SPINT3: variants seen among roughly 807,000 people sequenced by gnomAD.
The protein encoded by SPINT3 is kunitz-type protease inhibitor 3.
In SPINT3, 4 loss-of-function variants were observed where a neutral mutation model predicts 3.3. The observed-to-expected ratio is 1.22, with a 90% CI of 0.60 to 2.79. SPINT3 has a LOEUF of 2.79. Among genes scored for constraint, SPINT3 ranks in the 30% most tolerant of loss-of-function variants. The pLI is 0.01. For missense variants in SPINT3, 97 were observed against 104.3 expected, an observed-to-expected ratio of 0.93 and a Z score of 0.31; for synonymous variants, 30 against 38.6, an observed-to-expected ratio of 0.78 and a Z score of 0.83.
intron 1 of SPINT3, 68 bp downstream of exon 1, chr20:45,515,465 T>TCC: frequency 7.5e-7 from 1 of 1,333,644 alleles, no homozygotes; most frequent in South Asian, 1.3e-5. Flanking sequence ...CTGCATCACC[T>TCC]CCCCCACCAC....
intron 1 of SPINT3, 69 bp from the exon 2 acceptor site, chr20:45,512,913 G>T: frequency 7.7e-7 from 1 of 1,306,458 alleles, no homozygotes; most frequent in South Asian, 1.4e-5. Flanking sequence ...ATATGCCAGG[G>T]GCTGTGACAG....
chr20:45,515,547 G>T lies in SPINT3; in HGVS notation c.62C>A (p.Ser21Ter). 1 of 1,548,784 alleles carries T rather than the reference G, an allele frequency of 6.5e-7. No individual in the cohort carries two copies. The highest frequency in any genetic ancestry group is 1.2e-5 in the South Asian group (1 of 83,990). Residue 21 changes from serine (S) to a stop codon, truncating the protein, a stop_gained, in exon 1 of 2, where the codon TCA (serine) becomes TAA (stop). Transcript: ENST00000217428. LOFTEE classifies it low-confidence loss of function (END_TRUNC). ...LILTLCLELR[S>*]ELARDTIKDL... ...TTCATACCAACCTCGTGCTAGTTCT[G>T]ATCGAAGCTCTAGGCAGAGAGTGAG...
Position 45,515,577 on chromosome 20 carries a change from A to G in SPINT3, c.32T>C (p.Leu11Pro). The stretch of plus-strand genomic sequence containing the variant: ...AAGCTCTAGGCAGAGAGTGAGAATC[A>G]GGAGAAACGAGAGAGAGGCCTGAAG... Reference protein sequence around the residue: MQLQASLSFLLILTLCLELRS... With the variant: MQLQASLSFLPILTLCLELRS... Residue 11 changes from leucine to proline, a missense_variant, in exon 1 of 2, where the codon CTG becomes CCG. Transcript: ENST00000217428. The G allele has an allele frequency of 6.4e-7, 1 of 1,551,462 alleles. No individual in the cohort carries two copies. The highest frequency in any genetic ancestry group is 8.7e-7 in the Non-Finnish European group (1 of 1,146,952).
At chr20:45,515,383 A>G (rs970685187) in intron 1 of SPINT3, 150 bp downstream of exon 1, 2 of 703,564 alleles carry the variant, frequency 2.8e-6, no homozygotes, top group Non-Finnish European at 4.9e-6. Context: ...TGTGCCCAAC[A>G]TATGTCTGAT....
chr20:45,514,930 A>AT (rs1482261530), intron 1 of SPINT3, among the ~76,000 whole-genome samples: 1 of 152,144 alleles, frequency 6.6e-6, no homozygotes, highest in Non-Finnish European at 1.5e-5. Context: ...TCTAATATGC[A>AT]TTTTTATACA....
At chr20:45,513,431 A>G (rs184873073) in intron 1 of SPINT3, among the ~76,000 whole-genome samples, 1 of 152,368 alleles carries the variant, frequency 6.6e-6, no homozygotes, top group East Asian at 1.9e-4. Flanking sequence ...GCAAAAATGC[A>G]GGTGTAATAT....
At position 45,515,491 on chromosome 20, in the gene SPINT3, G is replaced by C. The variant is rs142363498; in HGVS notation, c.76+42C>G. On this transcript the variant is annotated intron_variant, in intron 1 of 1. Coordinates refer to ENST00000217428, the MANE Select transcript of SPINT3 (RefSeq NM_006652.2). ...CCCCCACCACCCCGCCCCCCAGCCTGATTCCCAGTCTATTCTTTGAGATCC... is the reference window on the plus strand; with the variant it reads ...CCCCCACCACCCCGCCCCCCAGCCTCATTCCCAGTCTATTCTTTGAGATCC... 3 of 1,498,056 alleles carry C rather than the reference G, an allele frequency of 2.0e-6. No individual in the cohort carries two copies. In the African/African-American group the frequency reaches 4.2e-5, roughly 21 times the overall value. The allele number at this position is 1,498,056 out of a possible 1,614,324, so 92.8% of individuals were successfully genotyped here. A position where few individuals can be genotyped will look rare whatever the true frequency, so the allele number is the denominator to read the frequency against.
At chr20:45,515,241 C>A (rs1978839504) in intron 1 of SPINT3, among the ~76,000 whole-genome samples, 1 of 152,140 alleles carries the variant, frequency 6.6e-6, no homozygotes, top group Non-Finnish European at 1.5e-5. Context: ...TTTTCTATAG[C>A]ACTTTGATCA....
Position 45,512,891 on chromosome 20 carries a change from C to G in SPINT3, c.77-47G>C, listed in dbSNP as rs1325578709. On this transcript the variant is annotated intron_variant, in intron 1 of 1. Coordinates refer to ENST00000217428, the MANE Select transcript of SPINT3 (RefSeq NM_006652.2). Reference sequence around the variant, plus strand: ...AGGAGACCAAACCCATCACCTTCTCCTTGTTTGCCTCATATGCCAGGGGCT... The same window carrying G: ...AGGAGACCAAACCCATCACCTTCTCGTTGTTTGCCTCATATGCCAGGGGCT... The G allele has an allele frequency of 3.4e-6, 5 of 1,483,946 alleles. No homozygotes were observed. The East Asian group carries it at 1.2e-4, about 37-fold the overall frequency. 91.9% of individuals were successfully genotyped at this position (1,483,946 alleles called of 1,614,324 possible). A position where few individuals can be genotyped will look rare whatever the true frequency, so the allele number is the denominator to read the frequency against.
Position 45,512,553 on chromosome 20 carries a change from C to T in SPINT3, c.*98G>A. On this transcript the variant is annotated 3_prime_UTR_variant, in exon 2 of 2. Coordinates refer to ENST00000217428, the MANE Select transcript of SPINT3 (RefSeq NM_006652.2). ...ATAAATGTGGGGGTAGAGGAATGAA[C>T]CTCTTGTTCACACACACACACACAC... is the stretch of plus-strand genomic sequence containing the variant. 8.7e-7 allele frequency: 1 copy of T among 1,149,062 alleles called. No individual in the cohort carries two copies. Among genetic ancestry groups the T allele is most frequent in the South Asian group, 1.6e-5 (1 of 63,128 alleles). The allele number at this position is 1,149,062 out of a possible 1,614,324, so 71.2% of individuals were successfully genotyped here. A position where few individuals can be genotyped will look rare whatever the true frequency, so the allele number is the denominator to read the frequency against.
At position 45,512,526 on chromosome 20, in the gene SPINT3, G is replaced by T; in HGVS notation, c.*125C>A. The T allele has an allele frequency of 1.1e-6, 1 of 898,582 alleles. No individual in the cohort carries two copies. Among genetic ancestry groups the T allele is most frequent in the Non-Finnish European group, 1.7e-6 (1 of 600,342 alleles). The allele number at this position is 898,582 out of a possible 1,614,324, so 55.7% of individuals were successfully genotyped here. On this transcript the variant is annotated 3_prime_UTR_variant, in exon 2 of 2. Transcript: ENST00000217428. ...AGCACTTGTAGGAGCACATCAGGGA[G>T]AATAAATGTGGGGGTAGAGGAATGA...
rs376916317 is a variant in SPINT3, at chr20:45,512,579, A to G, written c.*72T>C. ...CTCTTGTTCACACACACACACACAC[A>G]CACACGCAAATGCCTTCTATGGCCC... On this transcript the variant is annotated 3_prime_UTR_variant, in exon 2 of 2. Coordinates refer to ENST00000217428, the MANE Select transcript of SPINT3 (RefSeq NM_006652.2). 23 of 1,124,998 alleles carry G rather than the reference A, an allele frequency of 2.0e-5. No individual in the cohort carries two copies. The highest frequency in any genetic ancestry group is 2.9e-5 in the Non-Finnish European group (23 of 790,230). The allele number at this position is 1,124,998 out of a possible 1,614,324, so 69.7% of individuals were successfully genotyped here. A position where few individuals can be genotyped will look rare whatever the true frequency, so the allele number is the denominator to read the frequency against.
Position 45,512,463 on chromosome 20 carries a change from T to C in SPINT3, c.*188A>G. The C allele has an allele frequency of 4.9e-6, 3 of 611,648 alleles. No individual in the cohort carries two copies. The South Asian group carries it at 6.4e-5, about 13-fold the overall frequency. 37.9% of individuals were successfully genotyped at this position (611,648 alleles called of 1,614,324 possible). On this transcript the variant is annotated 3_prime_UTR_variant, in exon 2 of 2. Coordinates refer to ENST00000217428, the MANE Select transcript of SPINT3 (RefSeq NM_006652.2). The stretch of plus-strand genomic sequence containing the variant: ...AAAGGAGGTCTTGAGATTGTAAACA[T>C]GATTGCAACATTTATAGAATTTCAG...
Position 45,512,812 on chromosome 20 carries a change from C to T in SPINT3, c.109G>A (p.Ala37Thr), listed in dbSNP as rs1176039969. Residue 37 changes from alanine (A) to threonine (T), a missense_variant, in exon 2 of 2, where the codon GCT becomes ACT. Physicochemically the swap from Ala to Thr is moderately conservative, Grantham distance 58. Transcript: ENST00000217428. ...TIKDLLPNVC[A>T]FPMEKGPCQT... ...CAAGGGCCCTTTTCCATAGGAAAAG[C>T]GCATACATTTGGGAGGAGATCCTTG... The T allele has an allele frequency of 2.4e-5, 38 of 1,551,598 alleles. No homozygotes were observed. In the East Asian group the frequency reaches 2.9e-4, roughly 12 times the overall value.
intron 1 of SPINT3, among the ~76,000 whole-genome samples, chr20:45,514,126 A>T (rs1978811523): frequency 6.6e-6 from 1 of 152,226 alleles, no homozygotes; most frequent in Non-Finnish European, 1.5e-5. Flanking sequence ...TCACTGCATC[A>T]TCGGCCCTTA....
chr20:45,514,489 A>G (rs1284192343), intron 1 of SPINT3, among the ~76,000 whole-genome samples: 1 of 152,228 alleles, frequency 6.6e-6, no homozygotes, highest in Non-Finnish European at 1.5e-5. Context: ...TAAGTAGAGG[A>G]GCCTGGACCA....
chr20:45,514,507 G>T (rs977736373), intron 1 of SPINT3, among the ~76,000 whole-genome samples: 7 of 152,162 alleles, frequency 4.6e-5, no homozygotes, highest in African/African-American at 1.7e-4. Flanking sequence ...CCAGAACCCA[G>T]GTGTGTCTGA....
At chr20:45,515,359 C>T (rs952973859) in intron 1 of SPINT3, among the ~76,000 whole-genome samples, 174 bp downstream of exon 1, 2 of 152,194 alleles carry the variant, frequency 1.3e-5, no homozygotes, top group African/African-American at 4.8e-5. Flanking sequence ...AGGACAGTGC[C>T]TGGCACATAA....
intron 1 of SPINT3, 104 bp downstream of exon 1, chr20:45,515,429 A>G: frequency 2.2e-6 from 2 of 928,974 alleles, no homozygotes; most frequent in Non-Finnish European, 1.7e-6. Context: ...TCAATCCGGT[A>G]AGGTAAGAAA....
Sources: gnomAD v4.1 joint callset for allele counts (sites outside exome capture counted in the v4.1 genomes callset) on GRCh38, gnomAD v4.1.1 for gene constraint, MANE v1.5 for transcripts, NCBI Gene and HGNC (gene_info 2026-07-23, HGNC 2026-07-21) for gene names.